The following NCKAP5 variants were observed in gnomAD, a reference collection of about 807,000 sequenced individuals.
NCKAP5 encodes NCK associated protein 5, also known as nck-associated protein 5.
NCKAP5 carries 92 observed loss-of-function variants against 167.0 expected under a neutral mutation model. The observed-to-expected ratio is 0.55, with a 90% confidence interval of 0.47 to 0.66. NCKAP5 has a LOEUF of 0.66. NCKAP5 is among the 30% of genes least tolerant of loss of function. The pLI, the probability that NCKAP5 is intolerant of heterozygous loss-of-function variation, is 0.00. For synonymous variants in NCKAP5, 891 were observed against 877.4 expected (o/e 1.02, Z -0.27); for missense variants, 2,378 against 2,315.0 (o/e 1.03, Z -0.56).
intron 2 of NCKAP5, among the ~76,000 whole-genome samples, chr2:133,547,537 C>G (rs34760299): frequency 1.5e-3 from 224 of 149,068 alleles, no homozygotes; most frequent in Admixed American, 6.7e-3. Flanking sequence ...ATCTGAGAAC[C>G]GGCAGACTGC....
chr2:133,128,943 T>A (rs2082495550), intron 6 of NCKAP5, among the ~76,000 whole-genome samples: 1 of 111,562 alleles, frequency 9.0e-6, no homozygotes, highest in African/African-American at 3.6e-5. Flanking sequence ...AGAAACTCAC[T>A]GATTTTTTTT....
chr2:133,288,406 A>G (rs1401021713), intron 4 of NCKAP5, among the ~76,000 whole-genome samples: 2 of 152,204 alleles, frequency 1.3e-5, no homozygotes, highest in African/African-American at 4.8e-5. Flanking sequence ...CAATTTGCCA[A>G]TATAACTGAA....
chr2:132,714,572 C>A (rs1378782950), intron 19 of NCKAP5, among the ~76,000 whole-genome samples: 1 of 151,928 alleles, frequency 6.6e-6, no homozygotes, highest in Non-Finnish European at 1.5e-5. Context: ...AATCCCAGCA[C>A]TTTGGGAAGC....
intron 19 of NCKAP5, among the ~76,000 whole-genome samples, chr2:132,697,133 C>T (rs1010033028): frequency 6.6e-6 from 1 of 151,304 alleles, no homozygotes; most frequent in Non-Finnish European, 1.5e-5. Context: ...AGGAATTTGC[C>T]TACCTTGGTC....
At chr2:133,395,673 T>A (rs1038890527) in intron 3 of NCKAP5, among the ~76,000 whole-genome samples, 2 of 152,076 alleles carry the variant, frequency 1.3e-5, no homozygotes, top group Non-Finnish European at 2.9e-5. Context: ...AGAGACAGGG[T>A]TTCTCTCCGT....
At chr2:133,166,928 A>G (rs1228642115) in intron 5 of NCKAP5, among the ~76,000 whole-genome samples, 1 of 152,226 alleles carries the variant, frequency 6.6e-6, no homozygotes. Flanking sequence ...AGCAGGCTAC[A>G]TTCTAGATGA....
intron 5 of NCKAP5, among the ~76,000 whole-genome samples, chr2:133,135,592 A>T (rs943154289): frequency 6.6e-6 from 1 of 151,998 alleles, no homozygotes; most frequent in Non-Finnish European, 1.5e-5. Context: ...AGAATGGGAA[A>T]ACATTTATAT....
At chr2:133,474,277 C>G (rs1322061226) in intron 3 of NCKAP5, among the ~76,000 whole-genome samples, 1 of 152,020 alleles carries the variant, frequency 6.6e-6, no homozygotes, top group Non-Finnish European at 1.5e-5. Flanking sequence ...GAACATTATA[C>G]TAAGTGAAAT....
At chr2:132,959,093 A>G (rs949742796) in intron 8 of NCKAP5, among the ~76,000 whole-genome samples, 1 of 147,386 alleles carries the variant, frequency 6.8e-6, no homozygotes, top group African/African-American at 2.5e-5. Flanking sequence ...TAAATATATT[A>G]TTAATATATT....
chr2:133,251,988 C>A (rs184192239), intron 4 of NCKAP5, among the ~76,000 whole-genome samples: 259 of 152,176 alleles, frequency 1.7e-3, no homozygotes, highest in Middle Eastern at 3.4e-3. Flanking sequence ...ACAGTCATAA[C>A]CCACTAAAAT....
intron 4 of NCKAP5, among the ~76,000 whole-genome samples, chr2:133,292,826 G>A (rs1386733177): frequency 5.3e-5 from 8 of 152,124 alleles, no homozygotes; most frequent in Admixed American, 4.6e-4. Context: ...AGTTACATTA[G>A]GGATCAATTT....
intron 3 of NCKAP5, among the ~76,000 whole-genome samples, chr2:133,482,283 T>A (rs920379381): frequency 6.6e-6 from 1 of 151,466 alleles, no homozygotes; most frequent in Admixed American, 6.6e-5. Context: ...AATGGTGTGA[T>A]CTCGGCTCAC....
At chr2:133,604,690 T>C in the NCKAP5 span, among the ~76,000 whole-genome samples, 1 of 152,094 alleles carries the variant, frequency 6.6e-6, no homozygotes, top group African/African-American at 2.4e-5. Flanking sequence ...TCTCTGTGCC[T>C]CAGTTTTCTC....
intron 4 of NCKAP5, among the ~76,000 whole-genome samples, chr2:133,249,694 G>A (rs570357655): frequency 6.4e-4 from 97 of 152,272 alleles, no homozygotes; most frequent in Non-Finnish European, 1.0e-3. Flanking sequence ...ACAGATTCAA[G>A]CTCTATGTCT....
the NCKAP5 span, among the ~76,000 whole-genome samples, chr2:133,627,221 T>A: frequency 2.6e-5 from 4 of 151,780 alleles, no homozygotes; most frequent in South Asian, 6.2e-4. Flanking sequence ...AGAAAAAAAA[T>A]AACCTCAAGG....
chr2:133,421,523 T>C (rs912429293), intron 3 of NCKAP5, among the ~76,000 whole-genome samples: 2 of 152,160 alleles, frequency 1.3e-5, no homozygotes, highest in Non-Finnish European at 2.9e-5. Flanking sequence ...GAATTCATGT[T>C]CCTTGCCTTA....
chr2:133,445,222 T>G lies in NCKAP5; in HGVS notation c.69+72236A>C, dbSNP rs560190936. Among the ~76,000 whole-genome samples the G allele has an allele frequency of 2.0e-5, 3 of 152,202 alleles. No homozygotes were observed. The South Asian group carries it at 6.2e-4, about 32-fold the overall frequency. ...AGAAATGAGCTTTTTTTTTTGTAGGTTGAATCTTATAGATTTATTCACAAA... is the reference window on the plus strand; with the variant it reads ...AGAAATGAGCTTTTTTTTTTGTAGGGTGAATCTTATAGATTTATTCACAAA... On this transcript the variant is annotated intron_variant, in intron 3 of 19. Transcript: ENST00000409261.
intron 6 of NCKAP5, among the ~76,000 whole-genome samples, chr2:133,009,142 T>C (rs2149355720): frequency 6.6e-6 from 1 of 152,260 alleles, no homozygotes; most frequent in Non-Finnish European, 1.5e-5. Context: ...AATCCAAATA[T>C]CTGAGAGTAG....
intron 10 of NCKAP5, 84 bp downstream of exon 10, chr2:132,868,852 A>C: frequency 9.9e-7 from 1 of 1,008,996 alleles, no homozygotes; most frequent in Non-Finnish European, 1.4e-6. Flanking sequence ...GCATCTATCA[A>C]TCACAATTTC....
Sources: gnomAD v4.1 joint callset for allele counts (sites outside exome capture counted in the v4.1 genomes callset) on GRCh38, gnomAD v4.1.1 for gene constraint, MANE v1.5 for transcripts, NCBI Gene and HGNC (gene_info 2026-07-23, HGNC 2026-07-21) for gene names.